The following HIRA variants were observed in gnomAD, a reference collection of about 807,000 sequenced individuals.
The protein encoded by HIRA is protein HIRA.
HIRA carries 13 observed loss-of-function variants against 126.6 expected under a neutral mutation model. The ratio of observed to expected loss-of-function variants is 0.10; its 90% CI spans 0.07 to 0.16. The LOEUF (loss-of-function observed/expected upper bound fraction) is 0.16, where lower values mean the gene tolerates loss of function less well. Ranked by LOEUF, HIRA falls within the 10% of genes least tolerant of loss-of-function variation. The pLI, the probability that HIRA is intolerant of heterozygous loss-of-function variation, is 1.00. For missense variants in HIRA, 834 were observed against 1,314.4 expected (o/e 0.63, Z 5.65); for synonymous variants, 511 against 520.0 (o/e 0.98, Z 0.24).
chr22:19,356,181 A>G (rs1556012487), intron 20 of HIRA, 49 bp downstream of exon 20: 5 of 1,544,216 alleles, frequency 3.2e-6, no homozygotes, highest in Non-Finnish European at 4.5e-6. Context: ...AGCATCAGAC[A>G]TGAACTTGGG....
At chr22:19,372,327 T>C (rs1177451929) in intron 15 of HIRA, among the ~76,000 whole-genome samples, 1 of 152,242 alleles carries the variant, frequency 6.6e-6, no homozygotes, top group Non-Finnish European at 1.5e-5. Context: ...TGTATTTCCC[T>C]GATGGCTAAT....
At position 19,372,548 on chromosome 22, in the gene HIRA, C is replaced by T. The variant is rs574094840; in HGVS notation, c.1775+3083G>A. ...AGGTTGTCTTTCAATTCTGATAGTG[C>T]TTTGGAAGCAAAAAAGCTTTTAATT... On this transcript the variant is annotated intron_variant, in intron 15 of 24. Coordinates refer to ENST00000263208, the MANE Select transcript of HIRA (RefSeq NM_003325.4). Among the ~76,000 whole-genome samples, 6 of 149,460 alleles carry T rather than the reference C, an allele frequency of 4.0e-5. No homozygotes were observed. The East Asian group carries it at 1.2e-3, about 29-fold the overall frequency.
At chr22:19,416,332 C>CT (rs200155642) in intron 1 of HIRA, among the ~76,000 whole-genome samples, 142 of 151,120 alleles carry the variant, frequency 9.4e-4, no homozygotes, top group Middle Eastern at 6.9e-3. Flanking sequence ...TCTTTCTTTT[C>CT]TTTTTTTTTG....
Position 19,431,716 on chromosome 22 carries a change from AG to A in HIRA, c.-241del, listed in dbSNP as rs1471589287. On this transcript the variant is annotated 5_prime_UTR_variant, in exon 1 of 25. Transcript: ENST00000263208. ...CGCATCCCCTGCGCCGCTCCTCCTC[AG>A]GCGGCTCCCGGGCAACGCCGGAAGT... 21 of 351,806 alleles carry A rather than the reference AG, an allele frequency of 6.0e-5. No homozygotes were observed. The East Asian group carries it at 9.8e-4, about 16-fold the overall frequency. 21.8% of individuals were successfully genotyped at this position (351,806 alleles called of 1,614,324 possible).
chr22:19,373,114 T>C (rs1316131491), intron 15 of HIRA, among the ~76,000 whole-genome samples: 1 of 152,340 alleles, frequency 6.6e-6, no homozygotes, highest in African/African-American at 2.4e-5. Flanking sequence ...GTCACATAGA[T>C]TTCTATCTAT....
At chr22:19,417,483 A>G (rs1601858023) in intron 1 of HIRA, among the ~76,000 whole-genome samples, 1 of 151,430 alleles carries the variant, frequency 6.6e-6, no homozygotes, top group South Asian at 2.1e-4. Flanking sequence ...TTAGCTGGGC[A>G]TGGTAGCGTG....
intron 24 of HIRA, among the ~76,000 whole-genome samples, chr22:19,334,989 T>C (rs549189327): frequency 4.6e-5 from 7 of 152,304 alleles, no homozygotes; most frequent in African/African-American, 1.7e-4. Flanking sequence ...GATTTGTATG[T>C]GTATGTGCAT....
chr22:19,413,825 T>C (rs1202325259), intron 1 of HIRA, among the ~76,000 whole-genome samples: 1 of 152,022 alleles, frequency 6.6e-6, no homozygotes, highest in Non-Finnish European at 1.5e-5. Flanking sequence ...TTAGCCAGGA[T>C]GGTCTCGATC....
intron 15 of HIRA, among the ~76,000 whole-genome samples, chr22:19,369,864 G>A (rs1049682480): frequency 6.6e-6 from 1 of 152,208 alleles, no homozygotes; most frequent in African/African-American, 2.4e-5. Context: ...GGGAGACAGA[G>A]GTTGCAGTAA....
chr22:19,378,967 TAAC>T (rs1297668200), intron 13 of HIRA, among the ~76,000 whole-genome samples: 21 of 152,162 alleles, frequency 1.4e-4, no homozygotes, highest in Admixed American at 1.4e-3. Flanking sequence ...TCTTGACACT[TAAC>T]AATCTGACAG....
Position 19,405,787 on chromosome 22 carries a change from G to A in HIRA, c.396C>T (p.Gly132=), listed in dbSNP as rs770199053. Residue 132 remains glycine (G), a splice_region_variant and synonymous_variant, in exon 5 of 25, where the codon GGC becomes GGT. Coordinates refer to ENST00000263208, the MANE Select transcript of HIRA (RefSeq NM_003325.4). ...RCVSILRNHS[G]DVMDVAWSPH... Reference sequence around the variant, plus strand: ...ACCCCAACAGGCAGTCCCACTCACCGCCTGAATGATTCCGGAGGATAGAGA... The same window carrying A: ...ACCCCAACAGGCAGTCCCACTCACCACCTGAATGATTCCGGAGGATAGAGA... 4.2e-6 allele frequency: 6 copies of A among 1,445,036 alleles called. No individual in the cohort carries two copies. Among genetic ancestry groups the A allele is most frequent in the East Asian group, 2.7e-5 (1 of 37,550 alleles). The allele number at this position is 1,445,036 out of a possible 1,614,324, so 89.5% of individuals were successfully genotyped here.
At chr22:19,333,460 A>C (rs1468702313) in intron 24 of HIRA, among the ~76,000 whole-genome samples, 3 of 152,206 alleles carry the variant, frequency 2.0e-5, no homozygotes, top group African/African-American at 7.2e-5. Context: ...GTTAATTATT[A>C]CCATAAAGAA....
intron 1 of HIRA, among the ~76,000 whole-genome samples, chr22:19,417,491 G>A (rs751596424): frequency 2.3e-4 from 35 of 152,068 alleles, no homozygotes; most frequent in African/African-American, 6.5e-4. Context: ...GCATGGTAGC[G>A]TGTGCCTGTA....
At chr22:19,357,289 T>C (rs1466476941) in intron 18 of HIRA, among the ~76,000 whole-genome samples, 12 of 152,216 alleles carry the variant, frequency 7.9e-5, no homozygotes, top group Admixed American at 7.2e-4. Context: ...TGCGCTTTCC[T>C]GAGCTCATGC....
intron 24 of HIRA, among the ~76,000 whole-genome samples, chr22:19,347,995 G>C (rs1414999795): frequency 6.6e-6 from 1 of 152,172 alleles, no homozygotes; most frequent in Non-Finnish European, 1.5e-5. Context: ...CCATAGCAGG[G>C]GCTAGGGCCC....
In HIRA at chr22:19,408,434, TG is replaced by T. The variant is rs758065629; in HGVS notation, c.211+48del. The T allele has an allele frequency of 6.7e-6, 8 of 1,187,552 alleles. No individual in the cohort carries two copies. The African/African-American group carries it at 9.0e-5, about 13-fold the overall frequency. The allele number at this position is 1,187,552 out of a possible 1,614,324, so 73.6% of individuals were successfully genotyped here. Reference sequence around the variant, plus strand: ...TAATTACAAACACATGTGCTAACCTTGGGCACTCTGCCAACACGCAAAGCCT... The same window carrying T: ...TAATTACAAACACATGTGCTAACCTTGGCACTCTGCCAACACGCAAAGCCT... On this transcript the variant is annotated intron_variant, in intron 3 of 24. Transcript: ENST00000263208.
intron 1 of HIRA, among the ~76,000 whole-genome samples, chr22:19,415,802 T>C (rs895002649): frequency 1.3e-5 from 2 of 151,780 alleles, no homozygotes; most frequent in African/African-American, 4.8e-5. Flanking sequence ...AAAAAAAAGA[T>C]GTCAAAACTC....
chr22:19,378,127 T>C, intron 13 of HIRA, 61 bp from the exon 14 acceptor site: 1 of 1,279,884 alleles, frequency 7.8e-7, no homozygotes, highest in Non-Finnish European at 1.0e-6. Context: ...CAGTACTTTA[T>C]ACATTCAAAT....
At chr22:19,417,245 A>C (rs2089406272) in intron 1 of HIRA, among the ~76,000 whole-genome samples, 1 of 152,260 alleles carries the variant, frequency 6.6e-6, no homozygotes, top group African/African-American at 2.4e-5. Flanking sequence ...ATAACCAACA[A>C]GCACATGAAA....
Sources: gnomAD v4.1 joint callset for allele counts (sites outside exome capture counted in the v4.1 genomes callset) on GRCh38, gnomAD v4.1.1 for gene constraint, MANE v1.5 for transcripts, NCBI Gene and HGNC (gene_info 2026-07-23, HGNC 2026-07-21) for gene names.